Variants in HTR4 observed in about 807,000 individuals in gnomAD.
HTR4 encodes 5-hydroxytryptamine receptor 4, also known as 5-hydroxytryptamine (serotonin) receptor 4, G protein-coupled.
HTR4 carries 16 observed loss-of-function variants against 36.8 expected under a neutral mutation model. The ratio of observed to expected loss-of-function variants is 0.43; its 90% CI spans 0.29 to 0.66. The LOEUF is 0.66. HTR4 is among the 30% of genes least tolerant of loss of function. HTR4 has a pLI of 0.13. For synonymous variants in HTR4, 189 were observed against 185.1 expected, an observed-to-expected ratio of 1.02 and a Z score of -0.17; for missense variants, 438 against 490.9, an observed-to-expected ratio of 0.89 and a Z score of 1.02.
intron 2 of HTR4, chr5:148,629,015 A>G (rs1257826777): frequency 1.3e-5 from 2 of 152,114 alleles, no homozygotes; most frequent in East Asian, 3.9e-4. Context: ...ATTAGGCAAT[A>G]TCTCTACCCT....
At chr5:148,528,385 T>G (rs932108818) in intron 4 of HTR4, among the ~76,000 whole-genome samples, 1 of 152,198 alleles carries the variant, frequency 6.6e-6, no homozygotes, top group African/African-American at 2.4e-5. Context: ...CTTTATGTGC[T>G]GAAGATTCAC....
intron 2 of HTR4, among the ~76,000 whole-genome samples, chr5:148,594,490 T>C (rs565899200): frequency 6.6e-6 from 1 of 152,260 alleles, no homozygotes; most frequent in South Asian, 2.1e-4. Context: ...CAATAGTTTC[T>C]GAAATATGTT....
Position 148,464,827 on chromosome 5 carries a change from G to A in HTR4, c.1077-13555C>T, listed in dbSNP as rs376528853. Among the ~76,000 whole-genome samples the A allele has an allele frequency of 8.5e-5, 13 of 152,126 alleles. No homozygotes were observed. The East Asian group carries it at 9.6e-4, about 11-fold the overall frequency. On this transcript the variant is annotated intron_variant, in intron 5 of 5. Coordinates refer to the HTR4 transcript ENST00000521530. ...TAATTGCTAAAACTGGAAAGCAACCGAGAAATTTTTAGTAGGTGAATGGAT... is the reference window on the plus strand; with the variant it reads ...TAATTGCTAAAACTGGAAAGCAACCAAGAAATTTTTAGTAGGTGAATGGAT...
Position 148,654,301 on chromosome 5 carries a change from A to G in HTR4, c.-287T>C, listed in dbSNP as rs189818676. 54 of 984,620 alleles carry G rather than the reference A, an allele frequency of 5.5e-5. No homozygotes were observed. The African/African-American group carries it at 8.7e-4, about 16-fold the overall frequency. 61.0% of individuals were successfully genotyped at this position (984,620 alleles called of 1,614,324 possible). On this transcript the variant is annotated 5_prime_UTR_variant, in exon 1 of 7. The change abolishes an upstream ATG in the 5' untranslated region. Coordinates refer to ENST00000377888, the MANE Select transcript of HTR4 (RefSeq NM_000870.7). ...CCCGGATCACCTGGGCTCGCCGCGC[A>G]TCGTCCTTCTCCCCAACCGAGCCGG... is the stretch of plus-strand genomic sequence containing the variant.
intron 2 of HTR4, among the ~76,000 whole-genome samples, chr5:148,599,609 G>A (rs572515245): frequency 1.3e-5 from 2 of 151,818 alleles, no homozygotes; most frequent in Non-Finnish European, 2.9e-5. Flanking sequence ...ATCATATCTA[G>A]TACTGGTAAA....
chr5:148,476,608 T>C, downstream of HTR4: 4 of 1,528,156 alleles, frequency 2.6e-6, no homozygotes, highest in Non-Finnish European at 3.5e-6. Context: ...GCCGTAACAA[T>C]GAAAAGCTTC....
chr5:148,538,265 G>T (rs998356944), intron 4 of HTR4, among the ~76,000 whole-genome samples: 7 of 151,964 alleles, frequency 4.6e-5, no homozygotes, highest in Admixed American at 4.6e-4. Flanking sequence ...TGACAAACTC[G>T]CAGCCAACAT....
intron 6 of HTR4, among the ~76,000 whole-genome samples, chr5:148,506,585 C>A (rs1238036317): frequency 6.6e-6 from 1 of 152,076 alleles, no homozygotes; most frequent in African/African-American, 2.4e-5. Flanking sequence ...AGTGAACAGG[C>A]AACCTACAGA....
intron 2 of HTR4, among the ~76,000 whole-genome samples, chr5:148,562,234 T>C (rs1057086169): frequency 6.6e-6 from 1 of 152,206 alleles, no homozygotes; most frequent in African/African-American, 2.4e-5. Context: ...AGAGATTTCA[T>C]GGCCCGAAGA....
chr5:148,537,162 C>T (rs919655240), intron 4 of HTR4, among the ~76,000 whole-genome samples: 5 of 152,008 alleles, frequency 3.3e-5, no homozygotes, highest in Non-Finnish European at 5.9e-5. Flanking sequence ...AAGATTAAGG[C>T]AGAAATCAAG....
intron 5 of HTR4, among the ~76,000 whole-genome samples, chr5:148,460,309 A>C (rs1755241476): frequency 6.6e-6 from 1 of 152,296 alleles, no homozygotes; most frequent in African/African-American, 2.4e-5. Flanking sequence ...GAGAATACCA[A>C]GCAGGATAAA....
chr5:148,549,591 A>G (rs569208262), intron 3 of HTR4, among the ~76,000 whole-genome samples: 17 of 152,318 alleles, frequency 1.1e-4, no homozygotes, highest in African/African-American at 4.1e-4. Flanking sequence ...CCCCTCAAAG[A>G]TTACCAGATA....
chr5:148,481,722 C>T lies in HTR4; in HGVS notation c.*1481G>A. The T allele has an allele frequency of 6.9e-7, 1 of 1,439,084 alleles. No individual in the cohort carries two copies. Among genetic ancestry groups the T allele is most frequent in the Non-Finnish European group, 9.0e-7 (1 of 1,106,954 alleles). 89.1% of individuals were successfully genotyped at this position (1,439,084 alleles called of 1,614,324 possible). On this transcript the variant is annotated 3_prime_UTR_variant, in exon 7 of 7. Transcript: ENST00000377888. ...TAAATAATCCTGAGATGCTATTAAA[C>T]CACAGCCAAGATCAAAGTCAGAATC...
chr5:148,612,417 C>T (rs1199594193), intron 2 of HTR4, among the ~76,000 whole-genome samples: 1 of 149,496 alleles, frequency 6.7e-6, no homozygotes. Flanking sequence ...ACAACCTGCT[C>T]CTGAATGACT....
At chr5:148,621,042 A>G (rs1561654963) in intron 2 of HTR4, among the ~76,000 whole-genome samples, 1 of 152,274 alleles carries the variant, frequency 6.6e-6, no homozygotes, top group Non-Finnish European at 1.5e-5. Context: ...AAAAATATCC[A>G]TAAATAGGAA....
intron 2 of HTR4, among the ~76,000 whole-genome samples, chr5:148,579,749 G>T (rs1200646202): frequency 6.6e-6 from 1 of 151,972 alleles, no homozygotes; most frequent in Admixed American, 6.6e-5. Context: ...GTAACTTGCA[G>T]CTCCAGCAGC....
At chr5:148,512,086 A>T (rs926340161) in intron 5 of HTR4, among the ~76,000 whole-genome samples, 2 of 152,138 alleles carry the variant, frequency 1.3e-5, no homozygotes, top group Non-Finnish European at 2.9e-5. Flanking sequence ...CTTCAATGGG[A>T]CGAGAGCATT....
chr5:148,528,061 G>T (rs1369865931), intron 4 of HTR4, among the ~76,000 whole-genome samples: 1 of 152,196 alleles, frequency 6.6e-6, no homozygotes, highest in East Asian at 1.9e-4. Flanking sequence ...GCTCTTGCAG[G>T]ATCTAGGGTG....
At chr5:148,586,232 C>T (rs1408435021) in intron 2 of HTR4, among the ~76,000 whole-genome samples, 1 of 152,086 alleles carries the variant, frequency 6.6e-6, no homozygotes, top group Non-Finnish European at 1.5e-5. Flanking sequence ...AACTACTTGT[C>T]AAAAGAACAT....
Sources: gnomAD v4.1 joint callset for allele counts (sites outside exome capture counted in the v4.1 genomes callset) on GRCh38, gnomAD v4.1.1 for gene constraint, MANE v1.5 for transcripts, NCBI Gene and HGNC (gene_info 2026-07-23, HGNC 2026-07-21) for gene names.